Variants in USP51 observed in about 807,000 individuals in gnomAD.
USP51 encodes the protein ubiquitin carboxyl-terminal hydrolase 51.
USP51 carries 5 observed loss-of-function variants against 17.6 expected under a neutral mutation model. The ratio of observed to expected loss-of-function variants is 0.28; its 90% CI spans 0.15 to 0.60. The LOEUF (loss-of-function observed/expected upper bound fraction) is 0.60. Among genes scored for constraint, USP51 ranks in the 20% least tolerant of loss-of-function variants. The probability of loss-of-function intolerance (pLI) is 0.88; values close to 1 mark genes in which losing one functional copy is unlikely to be tolerated. For synonymous variants in USP51, 248 were observed against 216.1 expected (o/e 1.15, Z -1.29); for missense variants, 459 against 559.5 (o/e 0.82, Z 1.81).
At position 55,487,873 on chromosome X, in the gene USP51, G is replaced by C. The variant is rs1200898358; in HGVS notation, c.1067C>G (p.Ser356Ter). 1 of 1,184,164 alleles carries C rather than the reference G, an allele frequency of 8.4e-7. No individual in the cohort carries two copies. Among genetic ancestry groups the C allele is most frequent in the African/African-American group, 1.8e-5 (1 of 55,929 alleles). The change falls in exon 3 of 3, where the codon TCA becomes TGA. Residue 356 changes from serine (S) to a stop codon, truncating the protein, a stop_gained. Transcript: ENST00000500968. LOFTEE classifies it high-confidence loss of function. Reference protein sequence around the residue: ...VKPKKKRRKKSVYTVGLRGLI... With the variant: ...VKPKKKRRKK Reference sequence around the variant, plus strand: ...CCCTCTCAGGCCTACAGTATAGACTGACTTTTTTCTTCTCTTTTTCTTGGG... The same window carrying C: ...CCCTCTCAGGCCTACAGTATAGACTCACTTTTTTCTTCTCTTTTTCTTGGG...
rs770101744 is a variant in USP51 at position 55,488,135 on chromosome X, T to C, written c.805A>G (p.Thr269Ala). 3.3e-6 allele frequency: 4 copies of C among 1,212,094 alleles called. No homozygotes were observed. In the South Asian group the frequency reaches 5.3e-5, roughly 16 times the overall value. ...TEKHIHKHAETKQHHLAVDLY... is the reference protein window; with the variant it reads ...TEKHIHKHAEAKQHHLAVDLY... The stretch of plus-strand genomic sequence containing the variant: ...TCTACAGCTAAATGGTGCTGCTTTG[T>C]TTCTGCATGTTTGTGAATATGTTTC... The change falls in exon 3 of 3, where the codon ACA (threonine) becomes GCA (alanine). Residue 269 changes from threonine (T) to alanine (A), a missense_variant. Coordinates refer to ENST00000500968, the MANE Select transcript of USP51 (RefSeq NM_201286.4).
chrX:55,485,633 T>C lies in USP51; in HGVS notation c.*1171A>G, dbSNP rs1265618042. ...AATAAAAAAATAGAACTTCTTAAAC[T>C]TTTAATTTTAATAATTTTTTCTACT... On this transcript the variant is annotated 3_prime_UTR_variant, in exon 3 of 3. Coordinates refer to ENST00000500968, the MANE Select transcript of USP51 (RefSeq NM_201286.4). The C allele has an allele frequency of 5.4e-5, 6 of 111,185 alleles. No individual in the cohort carries two copies. Among genetic ancestry groups the C allele is most frequent in the Non-Finnish European group, 1.1e-4 (6 of 52,937 alleles). The allele number at this position is 111,185 out of a possible 1,213,427, so 9.2% of individuals were successfully genotyped here. A position where few individuals can be genotyped will look rare whatever the true frequency, so the allele number is the denominator to read the frequency against.
chrX:55,489,684 C>T (rs1305081883), intron 1 of USP51, among the ~76,000 whole-genome samples, 92 bp downstream of exon 1: 1 of 111,708 alleles, frequency 9.0e-6, no homozygotes, highest in African/African-American at 3.3e-5. Flanking sequence ...CCACCACTAT[C>T]CTCGCGCGAC....
At position 55,489,279 on chromosome X, in the gene USP51, A is replaced by T. The variant is rs1489070122; in HGVS notation, c.-160T>A. On this transcript the variant is annotated 5_prime_UTR_variant, in exon 2 of 3. Coordinates refer to ENST00000500968, the MANE Select transcript of USP51 (RefSeq NM_201286.4). ...GGACAGAAAGGATGGAAACTTCTTT[A>T]AAAAAGGCGCCACCCTCTGACTGCT... 9.8e-6 allele frequency: 2 copies of T among 205,010 alleles called. No homozygotes were observed. The highest frequency in any genetic ancestry group is 9.2e-5 in the East Asian group (1 of 10,834). The allele number at this position is 205,010 out of a possible 1,213,427, so 16.9% of individuals were successfully genotyped here.
At position 55,487,172 on chromosome X, in the gene USP51, T is replaced by C. The variant is rs2031331011; in HGVS notation, c.1768A>G (p.Ile590Val). Residue 590 changes from isoleucine to valine, a missense_variant, in exon 3 of 3, where the codon ATT (isoleucine) becomes GTT (valine). Physicochemically the swap from Ile to Val is conservative, Grantham distance 29. This residue lies in a region of USP51 where 227 missense variants were observed against 365.5 expected (regional missense o/e 0.62). Transcript: ENST00000500968. ...CGCTTGAGATGAAAACAAGCCACAA[T>C]GGGTAATTTTTTCATTGTGAGCTGT... The part of the protein sequence containing the change: ...TKQLTMKKLP[I>V]VACFHLKRFE... 1 of 1,210,121 alleles carries C rather than the reference T, an allele frequency of 8.3e-7. No homozygotes were observed. Among genetic ancestry groups the C allele is most frequent in the Non-Finnish European group, 1.1e-6 (1 of 895,312 alleles).
chrX:55,487,972 T>G lies in USP51; in HGVS notation c.968A>C (p.Gln323Pro). The change falls in exon 3 of 3, where the codon CAG becomes CCG. Residue 323 changes from glutamine (Q) to proline (P), a missense_variant. Gln to Pro is a moderately conservative substitution (Grantham distance 76). This residue lies in a region of USP51 where 227 missense variants were observed against 365.5 expected (regional missense o/e 0.62). Transcript: ENST00000500968. ...GTCTTCAAACCCTGATGTCATAAAC[T>G]GTTGATGAGAAACATCTGTTGAGGT... ...TSTSTDVSHQ[Q>P]FMTSGFEDKQ... The G allele has an allele frequency of 8.3e-7, 1 of 1,201,520 alleles. No individual in the cohort carries two copies.
Position 55,489,008 on chromosome X carries a change from G to A in USP51, c.-49-20C>T. 8.7e-7 allele frequency: 1 copy of A among 1,144,991 alleles called. No homozygotes were observed. Among genetic ancestry groups the A allele is most frequent in the South Asian group, 2.0e-5 (1 of 50,535 alleles). The allele number at this position is 1,144,991 out of a possible 1,213,427, so 94.4% of individuals were successfully genotyped here. On this transcript the variant is annotated intron_variant, in intron 2 of 2. Coordinates refer to ENST00000500968, the MANE Select transcript of USP51 (RefSeq NM_201286.4). ...CTGCGACTGTAGATGAAAGGAGACA[G>A]AGACTTCTGTGAATGATCTGCCCAG...
rs1181996420 is a variant in USP51, at chrX:55,485,184, C to A, written c.*1620G>T. 1 of 111,845 alleles carries A rather than the reference C, an allele frequency of 8.9e-6. No individual in the cohort carries two copies. Among genetic ancestry groups the A allele is most frequent in the African/African-American group, 3.3e-5 (1 of 30,745 alleles). 9.2% of individuals were successfully genotyped at this position (111,845 alleles called of 1,213,427 possible). ...AGGCCATGGGGCTCAAATACCAAAG[C>A]CAGAGCTTCACAGCTGTGATCTAAC... On this transcript the variant is annotated 3_prime_UTR_variant, in exon 3 of 3. Transcript: ENST00000500968.
chrX:55,487,133 C>T lies in USP51; in HGVS notation c.1807G>A (p.Gly603Ser). The change falls in exon 3 of 3, where the codon GGC (glycine) becomes AGC (serine). Residue 603 changes from glycine to serine, a missense_variant. By Grantham distance (56) the Gly-to-Ser change is moderately conservative. Coordinates refer to ENST00000500968, the MANE Select transcript of USP51 (RefSeq NM_201286.4). ...CFHLKRFEHVGKQRRKINTFI... is the reference protein window; with the variant it reads ...CFHLKRFEHVSKQRRKINTFI... ...GTATTAATCTTTCGCCTCTGTTTGC[C>T]TACATGCTCAAACCGCTTGAGATGA... The T allele has an allele frequency of 8.3e-7, 1 of 1,211,681 alleles. No individual in the cohort carries two copies. The highest frequency in any genetic ancestry group is 2.2e-5 in the Admixed American group (1 of 46,063).
Position 55,488,091 on chromosome X carries a change from T to C in USP51, c.849A>G (p.Ile283Met), listed in dbSNP as rs755303867. The C allele has an allele frequency of 2.5e-6, 3 of 1,212,122 alleles. No homozygotes were observed. In the South Asian group the frequency reaches 5.3e-5, roughly 21 times the overall value. Residue 283 changes from isoleucine to methionine, a missense_variant, in exon 3 of 3, where the codon ATA becomes ATG. By Grantham distance (10) the Ile-to-Met change is conservative (BLOSUM62 1). Around this residue, in one of 2 missense-constraint regions of USP51, gnomAD observed 227 missense variants for 365.5 expected, o/e 0.62. Coordinates refer to ENST00000500968, the MANE Select transcript of USP51 (RefSeq NM_201286.4). The part of the protein sequence containing the change: ...HLAVDLYHGV[I>M]YCFMCKDYVY... ...CATAATCCTTACACATGAAGCAATA[T>C]ATGACCCCATGATAAAGGTCTACAG...
rs1238607445 is a variant in USP51, at chrX:55,485,995, A to G, written c.*809T>C. The G allele has an allele frequency of 9.0e-6, 1 of 111,187 alleles. No individual in the cohort carries two copies. Among genetic ancestry groups the G allele is most frequent in the African/African-American group, 3.2e-5 (1 of 30,851 alleles). 9.2% of individuals were successfully genotyped at this position (111,187 alleles called of 1,213,427 possible). On this transcript the variant is annotated 3_prime_UTR_variant, in exon 3 of 3. Coordinates refer to ENST00000500968, the MANE Select transcript of USP51 (RefSeq NM_201286.4). ...TTGTTAACACTTTTTAAATACGTATATTTTATGCTTTAATTTTGAAATATC... is the reference window on the plus strand; with the variant it reads ...TTGTTAACACTTTTTAAATACGTATGTTTTATGCTTTAATTTTGAAATATC...
chrX:55,488,515 G>C lies in USP51; in HGVS notation c.425C>G (p.Pro142Arg). The change falls in exon 3 of 3, where the codon CCG becomes CGG. Residue 142 changes from proline to arginine, a missense_variant. Physicochemically the swap from Pro to Arg is moderately radical, Grantham distance 103 (BLOSUM62 -2). Transcript: ENST00000500968. ...PPPPPPPPPAPRPRAWRGSRR... is the reference protein window; with the variant it reads ...PPPPPPPPPARRPRAWRGSRR... ...GGATCCACGCCAGGCCCTGGGCCGC[G>C]GTGCGGGTGGGGGCGGGGGTGGCGG... 1 of 1,127,448 alleles carries C rather than the reference G, an allele frequency of 8.9e-7. No homozygotes were observed. 92.9% of individuals were successfully genotyped at this position (1,127,448 alleles called of 1,213,427 possible). A position where few individuals can be genotyped will look rare whatever the true frequency, so the allele number is the denominator to read the frequency against.
rs1376839911 is a variant in USP51 at position 55,486,387 on chromosome X, C to A, written c.*417G>T. On this transcript the variant is annotated 3_prime_UTR_variant, in exon 3 of 3. Coordinates refer to ENST00000500968, the MANE Select transcript of USP51 (RefSeq NM_201286.4). Reference sequence around the variant, plus strand: ...TTATTTTAAAATATTATTTTTCTTTCAAACTATTTAGCTGGTCAGCCACAG... The same window carrying A: ...TTATTTTAAAATATTATTTTTCTTTAAAACTATTTAGCTGGTCAGCCACAG... The A allele has an allele frequency of 8.6e-6, 1 of 116,654 alleles. No homozygotes were observed. Among genetic ancestry groups the A allele is most frequent in the Non-Finnish European group, 1.8e-5 (1 of 57,106 alleles). The allele number at this position is 116,654 out of a possible 1,213,427, so 9.6% of individuals were successfully genotyped here. A position where few individuals can be genotyped will look rare whatever the true frequency, so the allele number is the denominator to read the frequency against.
In USP51 at chrX:55,487,749, T is replaced by C. The variant is rs2031342151; in HGVS notation, c.1191A>G (p.Lys397=). ...ACAAGCTGGGGCTTGTCATTATACA[T>C]TTGTGCTTGTCAGAGAGGAAGAAAT... ...LKDFFLSDKH[K]CIMTSPSLCL... The change falls in exon 3 of 3, where the codon AAA becomes AAG. Residue 397 remains lysine (K), a synonymous_variant. Transcript: ENST00000500968. 2 of 1,211,875 alleles carry C rather than the reference T, an allele frequency of 1.7e-6. No individual in the cohort carries two copies. The highest frequency in any genetic ancestry group is 1.7e-5 in the African/African-American group (1 of 57,808).
In USP51 at chrX:55,487,389, G is replaced by A; in HGVS notation, c.1551C>T (p.Asp517=). The A allele has an allele frequency of 8.3e-7, 1 of 1,211,963 alleles. No homozygotes were observed. Among genetic ancestry groups the A allele is most frequent in the Non-Finnish European group, 1.1e-6 (1 of 895,639 alleles). The part of the protein sequence containing the change: ...TIDPCWDISL[D]LPGSCATFDS... Reference sequence around the variant, plus strand: ...CGAATGTGGCACAAGAGCCAGGCAAGTCCAAACTGATGTCCCAGCATGGGT... The same window carrying A: ...CGAATGTGGCACAAGAGCCAGGCAAATCCAAACTGATGTCCCAGCATGGGT... The change falls in exon 3 of 3, where the codon GAC becomes GAT. Residue 517 remains aspartate, a synonymous_variant. Coordinates refer to ENST00000500968, the MANE Select transcript of USP51 (RefSeq NM_201286.4).
chrX:55,488,781 G>C lies in USP51; in HGVS notation c.159C>G (p.Ala53=), dbSNP rs773954160. 2 of 1,210,126 alleles carry C rather than the reference G, an allele frequency of 1.7e-6. No homozygotes were observed. Among genetic ancestry groups the C allele is most frequent in the Non-Finnish European group, 2.2e-6 (2 of 895,422 alleles). The change falls in exon 3 of 3, where the codon GCC becomes GCG. Residue 53 remains alanine, a synonymous_variant. Transcript: ENST00000500968. The part of the protein sequence containing the change: ...GATKASSRRE[A]EEMKLEPLQE... ...GTAATGGCTCCAGCTTCATCTCCTC[G>C]GCTTCACGTCTCGAAGACGCCTTCG...
rs140903708 is a variant in USP51 at position 55,488,879 on chromosome X, C to G, written c.61G>C (p.Gly21Arg). Residue 21 changes from glycine to arginine, a missense_variant, in exon 3 of 3, where the codon GGT becomes CGT. By Grantham distance (125) the Gly-to-Arg change is moderately radical (BLOSUM62 -2). Coordinates refer to ENST00000500968, the MANE Select transcript of USP51 (RefSeq NM_201286.4). The stretch of plus-strand genomic sequence containing the variant: ...TCCTCAGGAGAGGCTCCTCCCCCAC[C>G]TCCGGAGATCCAGCGGACCCCAGAG... ...SGSGVRWISG[G>R]GGGASPEEAV... 3 of 1,208,427 alleles carry G rather than the reference C, an allele frequency of 2.5e-6. No homozygotes were observed. The African/African-American group carries it at 5.2e-5, about 21-fold the overall frequency.
chrX:55,489,225 G>A lies in USP51; in HGVS notation c.-106C>T, dbSNP rs1398761423. The A allele has an allele frequency of 6.0e-6, 2 of 334,996 alleles. No individual in the cohort carries two copies. Among genetic ancestry groups the A allele is most frequent in the East Asian group, 1.0e-4 (2 of 19,207 alleles). The allele number at this position is 334,996 out of a possible 1,213,427, so 27.6% of individuals were successfully genotyped here. ...GACTGGGAACAGAAGGCTAGCGAGC[G>A]GTGGGGGTGGGGAACGGCCTGAGCT... On this transcript the variant is annotated 5_prime_UTR_variant, in exon 2 of 3. Coordinates refer to ENST00000500968, the MANE Select transcript of USP51 (RefSeq NM_201286.4).
In USP51 at chrX:55,488,528, G is replaced by A; in HGVS notation, c.412C>T (p.Pro138Ser). The change falls in exon 3 of 3, where the codon CCC (proline) becomes TCC (serine). Residue 138 changes from proline (P) to serine (S), a missense_variant. By Grantham distance (74) the Pro-to-Ser change is moderately conservative (BLOSUM62 -1). Transcript: ENST00000500968. ...ARPPPPPPPP[P>S]PPAPRPRAWR... ...GCCCTGGGCCGCGGTGCGGGTGGGGGCGGGGGTGGCGGCGGGGGCGGGGGC... is the reference window on the plus strand; with the variant it reads ...GCCCTGGGCCGCGGTGCGGGTGGGGACGGGGGTGGCGGCGGGGGCGGGGGC... 1 of 1,044,086 alleles carries A rather than the reference G, an allele frequency of 9.6e-7. No individual in the cohort carries two copies. The allele number at this position is 1,044,086 out of a possible 1,213,427, so 86.0% of individuals were successfully genotyped here. A position where few individuals can be genotyped will look rare whatever the true frequency, so the allele number is the denominator to read the frequency against.
Sources: gnomAD v4.1 joint callset for allele counts (sites outside exome capture counted in the v4.1 genomes callset) on GRCh38, gnomAD v4.1.1 for gene constraint, gnomAD v4.1.1 regional missense constraint, MANE v1.5 for transcripts, NCBI Gene and HGNC (gene_info 2026-07-23, HGNC 2026-07-21) for gene names.